Variants in NHLRC2 observed in about 807,000 individuals in gnomAD.
The protein encoded by NHLRC2 is NHL repeat containing 2.
A neutral mutation model predicts 68.1 loss-of-function variants in NHLRC2; 33 were observed. The observed-to-expected ratio is 0.48, with a 90% CI of 0.37 to 0.65. The LOEUF is 0.65. NHLRC2 is among the 30% of genes least tolerant of loss of function. The probability of loss-of-function intolerance (pLI) is 0.00; values close to 1 mark genes in which losing one functional copy is unlikely to be tolerated. For synonymous variants in NHLRC2, 311 were observed against 309.6 expected (o/e 1.00, Z -0.05); for missense variants, 761 against 853.8 (o/e 0.89, Z 1.35).
chr10:113,863,188 T>C (rs963243950), intron 2 of NHLRC2, among the ~76,000 whole-genome samples: 1 of 152,208 alleles, frequency 6.6e-6, no homozygotes, highest in Non-Finnish European at 1.5e-5. Context: ...GGATTGCGTA[T>C]GGGACATTTT....
intron 2 of NHLRC2, 108 bp downstream of exon 2, chr10:113,858,788 A>T (rs1364164199): frequency 2.9e-6 from 2 of 681,520 alleles, no homozygotes; most frequent in Non-Finnish European, 4.9e-6. Context: ...GGCTTCAGGG[A>T]TTCTAAAAGT....
At chr10:113,870,348 T>C (rs75828225) in intron 2 of NHLRC2, among the ~76,000 whole-genome samples, 2,532 of 152,292 alleles carry the variant, frequency 0.017, 67 homozygotes, top group African/African-American at 0.056. Context: ...ATTTCTGTCC[T>C]ATATTTTTTA....
At chr10:113,908,171 G>C in intron 10 of NHLRC2, 109 bp from the exon 11 acceptor site, 1 of 804,356 alleles carries the variant, frequency 1.2e-6, no homozygotes. Context: ...CTGGCACTTA[G>C]AGATTTTTTA....
At chr10:113,873,105 C>T (rs1486788572) in intron 2 of NHLRC2, among the ~76,000 whole-genome samples, 1 of 152,150 alleles carries the variant, frequency 6.6e-6, no homozygotes, top group African/African-American at 2.4e-5. Context: ...ACGTACAAAG[C>T]AAGGCAACAG....
chr10:113,914,972 C>T lies in NHLRC2; in HGVS notation c.*6436C>T, dbSNP rs1005122259. On this transcript the variant is annotated 3_prime_UTR_variant, in exon 11 of 11. Coordinates refer to ENST00000369301, the MANE Select transcript of NHLRC2 (RefSeq NM_198514.4). ...GCTGCCTCAGGCTTGCAGAAGGCTG[C>T]CCCAATCACAGAGCCTGGGTAAGGT... is the stretch of plus-strand genomic sequence containing the variant. The T allele has an allele frequency of 4.4e-6, 2 of 456,158 alleles. No individual in the cohort carries two copies. Among genetic ancestry groups the T allele is most frequent in the African/African-American group, 4.0e-5 (2 of 50,072 alleles). 28.3% of individuals were successfully genotyped at this position (456,158 alleles called of 1,614,324 possible).
chr10:113,906,849 G>A (rs1846280178), intron 10 of NHLRC2, among the ~76,000 whole-genome samples: 1 of 152,204 alleles, frequency 6.6e-6, no homozygotes, highest in South Asian at 2.1e-4. Flanking sequence ...TTAGCCGAGT[G>A]TGGTAGTGGG....
chr10:113,856,802 T>G (rs1845763721), intron 1 of NHLRC2, among the ~76,000 whole-genome samples: 1 of 152,228 alleles, frequency 6.6e-6, no homozygotes, highest in Non-Finnish European at 1.5e-5. Context: ...CTTGGTTTCT[T>G]TAGCAGTAAA....
At chr10:113,866,586 C>T (rs1453403465) in intron 2 of NHLRC2, among the ~76,000 whole-genome samples, 1 of 151,850 alleles carries the variant, frequency 6.6e-6, no homozygotes, top group Non-Finnish European at 1.5e-5. Context: ...TGAGTAAATG[C>T]TAGTATTATC....
At position 113,901,877 on chromosome 10, in the gene NHLRC2, G is replaced by T; in HGVS notation, c.1351G>T (p.Gly451Ter). 1 of 1,612,650 alleles carries T rather than the reference G, an allele frequency of 6.2e-7. No homozygotes were observed. Among genetic ancestry groups the T allele is most frequent in the Non-Finnish European group, 8.5e-7 (1 of 1,178,672 alleles). The change falls in exon 7 of 11, where the codon GGA (glycine) becomes TGA (stop). Residue 451 changes from glycine (G) to a stop codon, truncating the protein, a stop_gained. Transcript: ENST00000369301. LOFTEE classifies it high-confidence loss of function. ...LKDGAVKHLVGGERDPMNLFA... is the reference protein window; with the variant it reads ...LKDGAVKHLV ...AGATGGAGCAGTGAAGCACCTCGTA[G>T]GAGGAGAAAGAGACCCCATGGTAAT...
chr10:113,862,461 C>A, intron 2 of NHLRC2, among the ~76,000 whole-genome samples: 1 of 149,670 alleles, frequency 6.7e-6, no homozygotes, highest in South Asian at 2.1e-4. Context: ...AAATGTTTCA[C>A]TACAAAATAA....
chr10:113,858,501 T>A, intron 1 of NHLRC2, 27 bp from the exon 2 acceptor site: 1 of 1,499,242 alleles, frequency 6.7e-7, no homozygotes, highest in Non-Finnish European at 9.2e-7. Context: ...TCTTTAATCA[T>A]TGTAATTTAT....
At chr10:113,869,979 C>T (rs906662352) in intron 2 of NHLRC2, among the ~76,000 whole-genome samples, 1 of 152,080 alleles carries the variant, frequency 6.6e-6, no homozygotes, top group Non-Finnish European at 1.5e-5. Context: ...TCCAGCCCAA[C>T]CCTGAGTCAG....
chr10:113,878,103 A>T (rs1446434510), intron 3 of NHLRC2, among the ~76,000 whole-genome samples: 1 of 152,212 alleles, frequency 6.6e-6, no homozygotes, highest in Non-Finnish European at 1.5e-5. Flanking sequence ...TTTAATTTTT[A>T]AAAAAGAATT....
chr10:113,882,277 A>G (rs930191516), intron 4 of NHLRC2, among the ~76,000 whole-genome samples: 2 of 151,806 alleles, frequency 1.3e-5, no homozygotes, highest in African/African-American at 4.8e-5. Flanking sequence ...GAGCTGCTGA[A>G]TTATTTTCCA....
At chr10:113,908,238 C>T (rs775293590) in intron 10 of NHLRC2, 42 bp from the exon 11 acceptor site, 1 of 1,494,790 alleles carries the variant, frequency 6.7e-7, no homozygotes, top group South Asian at 1.2e-5. Flanking sequence ...CAGTTTTCTA[C>T]TTATCTTATA....
chr10:113,896,433 G>A (rs1426174115), intron 5 of NHLRC2, among the ~76,000 whole-genome samples: 7 of 147,374 alleles, frequency 4.7e-5, no homozygotes, highest in East Asian at 2.0e-4. Flanking sequence ...ACCAAACACC[G>A]CATATTCTCA....
Position 113,899,824 on chromosome 10 carries a change from A to T in NHLRC2, c.1139+1615A>T, listed in dbSNP as rs180746489. Among the ~76,000 whole-genome samples, 5 of 152,274 alleles carry T rather than the reference A, an allele frequency of 3.3e-5. No individual in the cohort carries two copies. In the East Asian group the frequency reaches 9.6e-4, roughly 29 times the overall value. On this transcript the variant is annotated intron_variant, in intron 6 of 10. Coordinates refer to ENST00000369301, the MANE Select transcript of NHLRC2 (RefSeq NM_198514.4). ...TCCCAGCTACTCAGGAGGCTGTGGC[A>T]GGAGAATCGCTTGAACCCAGGAGGC...
chr10:113,913,562 G>A lies in NHLRC2; in HGVS notation c.*5026G>A, dbSNP rs1033868402. 1 of 152,064 alleles carries A rather than the reference G, an allele frequency of 6.6e-6. No individual in the cohort carries two copies. The highest frequency in any genetic ancestry group is 2.4e-5 in the African/African-American group (1 of 41,416). The allele number at this position is 152,064 out of a possible 1,614,324, so 9.4% of individuals were successfully genotyped here. A position where few individuals can be genotyped will look rare whatever the true frequency, so the allele number is the denominator to read the frequency against. On this transcript the variant is annotated 3_prime_UTR_variant, in exon 11 of 11. Transcript: ENST00000369301. Reference sequence around the variant, plus strand: ...CAAAAGTTGTTTTAAAAGTTCTAACGGTTGGTCTTCAAAACGTAATTAAGA... The same window carrying A: ...CAAAAGTTGTTTTAAAAGTTCTAACAGTTGGTCTTCAAAACGTAATTAAGA...
At position 113,898,204 on chromosome 10, in the gene NHLRC2, GAAA is replaced by G; in HGVS notation, c.1137_1139del (p.Lys379del). On this transcript the variant is annotated inframe_deletion and splice_region_variant, in exon 6 of 11. Transcript: ENST00000369301. ...TGCTGGACTCTGGCAAACTGCCAAA[GAAA>G]AAGTAAGTGACAGCCTCTCTCTTTG... 1 of 1,603,808 alleles carries G rather than the reference GAAA, an allele frequency of 6.2e-7. No individual in the cohort carries two copies. Among genetic ancestry groups the G allele is most frequent in the Non-Finnish European group, 8.5e-7 (1 of 1,170,782 alleles).
Sources: gnomAD v4.1 joint callset for allele counts (sites outside exome capture counted in the v4.1 genomes callset) on GRCh38, gnomAD v4.1.1 for gene constraint, MANE v1.5 for transcripts, NCBI Gene and HGNC (gene_info 2026-07-23, HGNC 2026-07-21) for gene names.